SORCS1: variants seen among roughly 807,000 people sequenced by gnomAD.
SORCS1 encodes VPS10 domain-containing receptor SorCS1.
Under a neutral mutation model 146.1 loss-of-function variants are expected in SORCS1, and 60 were observed. The observed-to-expected ratio is 0.41, with a 90% confidence interval of 0.33 to 0.51. The LOEUF (loss-of-function observed/expected upper bound fraction) is 0.51, where lower values mean the gene tolerates loss of function less well. Among genes scored for constraint, SORCS1 ranks in the 20% least tolerant of loss-of-function variants. SORCS1 has a pLI of 0.21. For synonymous variants in SORCS1, 637 were observed against 584.0 expected, an observed-to-expected ratio of 1.09 and a Z score of -1.31; for missense variants, 1,352 against 1,487.6, an observed-to-expected ratio of 0.91 and a Z score of 1.50.
chr10:106,851,250 T>C (rs1175698923), intron 2 of SORCS1, among the ~76,000 whole-genome samples: 1 of 152,260 alleles, frequency 6.6e-6, no homozygotes, highest in Non-Finnish European at 1.5e-5. Flanking sequence ...TTTGGTCTTG[T>C]ATGTAAAAAG....
chr10:106,994,110 C>T (rs969152465), intron 1 of SORCS1, among the ~76,000 whole-genome samples: 2 of 140,246 alleles, frequency 1.4e-5, no homozygotes, highest in African/African-American at 5.5e-5. Context: ...CAAACAAATT[C>T]ATAATTCATG....
intron 1 of SORCS1, among the ~76,000 whole-genome samples, chr10:107,000,424 C>G (rs988701569): frequency 1.3e-5 from 2 of 151,536 alleles, no homozygotes; most frequent in Admixed American, 1.3e-4. Context: ...ATGGTGAAAC[C>G]CCGTCTCTAC....
At chr10:106,878,646 A>ATATATATATATATATATATATT (rs1200849744) in intron 2 of SORCS1, among the ~76,000 whole-genome samples, 1,419 of 117,552 alleles carry the variant, frequency 0.012, 96 homozygotes, top group Non-Finnish European at 0.019. Flanking sequence ...ATATATATAT[A>ATATATATATATATATATATATT]TATTTTATAG....
intron 1 of SORCS1, among the ~76,000 whole-genome samples, chr10:107,101,884 T>G (rs1327435837): frequency 1.3e-5 from 2 of 152,172 alleles, no homozygotes; most frequent in Non-Finnish European, 2.9e-5. Flanking sequence ...TCATGCTTTA[T>G]CAACTCTCAG....
intron 1 of SORCS1, among the ~76,000 whole-genome samples, chr10:107,028,192 C>T (rs958517468): frequency 6.6e-6 from 1 of 152,142 alleles, no homozygotes; most frequent in African/African-American, 2.4e-5. Context: ...GCTGGTAAAG[C>T]CACTCAGATG....
intron 1 of SORCS1, among the ~76,000 whole-genome samples, chr10:107,004,853 A>G (rs2139664981): frequency 6.6e-6 from 1 of 152,196 alleles, no homozygotes; most frequent in South Asian, 2.1e-4. Context: ...ATATGCTGGT[A>G]TGTGTGTGTG....
chr10:106,969,934 T>C (rs934182465), intron 1 of SORCS1: 1 of 152,228 alleles, frequency 6.6e-6, no homozygotes, highest in Non-Finnish European at 1.5e-5. Flanking sequence ...CTATCCATTT[T>C]AGCAGTCCTA....
chr10:106,604,801 A>T (rs770389086), intron 23 of SORCS1, among the ~76,000 whole-genome samples: 1 of 151,996 alleles, frequency 6.6e-6, no homozygotes, highest in Non-Finnish European at 1.5e-5. Context: ...CATTTTCCAC[A>T]TCTCTTCTTA....
intron 1 of SORCS1, among the ~76,000 whole-genome samples, chr10:107,099,157 G>A (rs771040275): frequency 3.0e-4 from 46 of 152,358 alleles, no homozygotes; most frequent in Non-Finnish European, 5.4e-4. Context: ...TCTGAGAGTA[G>A]TAAAGTTGGG....
chr10:106,902,745 T>C (rs1373841687), intron 2 of SORCS1, among the ~76,000 whole-genome samples: 1 of 152,230 alleles, frequency 6.6e-6, no homozygotes, highest in Non-Finnish European at 1.5e-5. Context: ...ATTAAACCTA[T>C]AGGTGGTTAT....
chr10:106,990,535 G>A (rs1187220040), intron 1 of SORCS1, among the ~76,000 whole-genome samples: 1 of 151,900 alleles, frequency 6.6e-6, no homozygotes, highest in Non-Finnish European at 1.5e-5. Context: ...CTCCCAAAGT[G>A]CTGGGATTAC....
chr10:107,116,816 G>A (rs1464529152), intron 1 of SORCS1, among the ~76,000 whole-genome samples: 1 of 152,124 alleles, frequency 6.6e-6, no homozygotes, highest in Non-Finnish European at 1.5e-5. Context: ...TGTACACATT[G>A]AGTATATATG....
At chr10:107,001,083 G>C (rs1271489024) in intron 1 of SORCS1, among the ~76,000 whole-genome samples, 1 of 152,196 alleles carries the variant, frequency 6.6e-6, no homozygotes, top group African/African-American at 2.4e-5. Flanking sequence ...GTCTTGAACA[G>C]AGGAGCTCCT....
intron 3 of SORCS1, among the ~76,000 whole-genome samples, chr10:106,815,860 G>T (rs1947716401): frequency 6.6e-6 from 1 of 152,222 alleles, no homozygotes; most frequent in Non-Finnish European, 1.5e-5. Flanking sequence ...CAAGGAGGAA[G>T]TGGGAGGAAG....
chr10:106,910,954 T>C (rs1158425987), intron 2 of SORCS1, among the ~76,000 whole-genome samples: 2 of 152,234 alleles, frequency 1.3e-5, no homozygotes, highest in Non-Finnish European at 2.9e-5. Context: ...TCAACTATGA[T>C]AATTACCTGG....
At chr10:106,956,469 T>C (rs916366991) in intron 2 of SORCS1, 44 bp downstream of exon 2, 6 of 1,584,052 alleles carry the variant, frequency 3.8e-6, no homozygotes, top group Admixed American at 1.7e-5. Flanking sequence ...GCAGGCATCA[T>C]GCTTAAATAA....
At chr10:107,091,813 C>G (rs186171115) in intron 1 of SORCS1, among the ~76,000 whole-genome samples, 1 of 152,202 alleles carries the variant, frequency 6.6e-6, no homozygotes, top group African/African-American at 2.4e-5. Context: ...ACTCTTTTCA[C>G]TCTTCCAGAT....
chr10:106,951,771 T>C lies in SORCS1; in HGVS notation c.626+4742A>G, dbSNP rs563000308. Among the ~76,000 whole-genome samples the C allele has an allele frequency of 2.3e-4, 35 of 152,348 alleles. No homozygotes were observed. In the Middle Eastern group the frequency reaches 0.024, roughly 104 times the overall value. On this transcript the variant is annotated intron_variant, in intron 2 of 25. Transcript: ENST00000263054. ...ACTAGCTATATGCTAAGTCTTGTAC[T>C]TGGGGCCATGGGTACCTTGCAGATG... is the stretch of plus-strand genomic sequence containing the variant.
intron 2 of SORCS1, among the ~76,000 whole-genome samples, chr10:106,950,744 G>A (rs1020402708): frequency 6.6e-6 from 1 of 152,120 alleles, no homozygotes; most frequent in South Asian, 2.1e-4. Flanking sequence ...GATAAGCAAT[G>A]AACGTATGGA....
Sources: gnomAD v4.1 joint callset for allele counts (sites outside exome capture counted in the v4.1 genomes callset) on GRCh38, gnomAD v4.1.1 for gene constraint, MANE v1.5 for transcripts, NCBI Gene and HGNC (gene_info 2026-07-23, HGNC 2026-07-21) for gene names.